Variants in MECOM observed in about 807,000 individuals in gnomAD.
MECOM encodes histone-lysine N-methyltransferase MECOM.
Under a neutral mutation model 116.3 loss-of-function variants are expected in MECOM, and 13 were observed. The ratio of observed to expected loss-of-function variants is 0.11; its 90% CI spans 0.07 to 0.18. The LOEUF (loss-of-function observed/expected upper bound fraction) is 0.18. MECOM is among the 10% of genes least tolerant of loss of function. The pLI is 1.00. For missense variants in MECOM, 1,299 were observed against 1,509.0 expected, an observed-to-expected ratio of 0.86 and a Z score of 2.31; for synonymous variants, 528 against 535.2, an observed-to-expected ratio of 0.99 and a Z score of 0.19.
chr3:169,442,943 A>G (rs1230472419), intron 1 of MECOM, among the ~76,000 whole-genome samples: 2 of 152,116 alleles, frequency 1.3e-5, no homozygotes, highest in Non-Finnish European at 2.9e-5. Context: ...CAACACTTCC[A>G]CAGAACCTAG....
intron 2 of MECOM, among the ~76,000 whole-genome samples, chr3:169,167,919 C>A (rs7426660): frequency 1.3e-5 from 2 of 149,208 alleles, no homozygotes; most frequent in African/African-American, 4.9e-5. Context: ...GTGTTAGTAT[C>A]CACCCAGTGA....
intron 2 of MECOM, among the ~76,000 whole-genome samples, chr3:169,228,803 T>C (rs575277394): frequency 6.6e-6 from 1 of 152,338 alleles, no homozygotes; most frequent in East Asian, 1.9e-4. Flanking sequence ...GGAGCTGTTC[T>C]GGAGTTAGAA....
intron 10 of MECOM, among the ~76,000 whole-genome samples, chr3:169,103,334 T>C (rs1207753253): frequency 6.6e-6 from 1 of 152,024 alleles, no homozygotes; most frequent in African/African-American, 2.4e-5. Flanking sequence ...TCTCAACATG[T>C]TGTGTTTCCT....
chr3:169,367,524 G>A (rs1213991564), intron 2 of MECOM, among the ~76,000 whole-genome samples: 1 of 151,942 alleles, frequency 6.6e-6, no homozygotes, highest in African/African-American at 2.4e-5. Flanking sequence ...AAGCAAGAAG[G>A]CATGTGTATT....
chr3:169,267,986 T>C (rs1380923022), intron 2 of MECOM, among the ~76,000 whole-genome samples: 2 of 152,256 alleles, frequency 1.3e-5, no homozygotes, highest in East Asian at 1.9e-4. Context: ...CCAAGTATAG[T>C]GCACATTGCA....
chr3:169,130,500 T>G (rs1734335865), intron 4 of MECOM, among the ~76,000 whole-genome samples: 1 of 112,746 alleles, frequency 8.9e-6, no homozygotes, highest in South Asian at 3.1e-4. Flanking sequence ...CAAATACAAC[T>G]ACTCTTGTAT....
chr3:169,583,336 A>G (rs1022684526), intron 1 of MECOM, among the ~76,000 whole-genome samples: 2 of 152,228 alleles, frequency 1.3e-5, no homozygotes, highest in African/African-American at 2.4e-5. Flanking sequence ...AAAATCCAGG[A>G]TAAAACATGC....
intron 2 of MECOM, among the ~76,000 whole-genome samples, chr3:169,332,836 A>T (rs1308202290): frequency 6.6e-6 from 1 of 152,166 alleles, no homozygotes; most frequent in African/African-American, 2.4e-5. Context: ...CAGATTCAGT[A>T]CTTAGTGGTA....
Position 169,602,053 on chromosome 3 carries a change from T to C in MECOM, c.37+61283A>G, listed in dbSNP as rs541410547. 2.6e-4 allele frequency among the ~76,000 whole-genome samples: 39 copies of C among 152,354 alleles called. No homozygotes were observed. The South Asian group carries it at 7.5e-3, about 29-fold the overall frequency. On this transcript the variant is annotated intron_variant, in intron 1 of 16. Transcript: ENST00000651503. ...CCACGTATGGGGAAAGAAGAATTAG[T>C]ATGCTAATGCATACTAGTGTCCTAA...
chr3:169,409,786 T>C (rs1737254777), intron 1 of MECOM, among the ~76,000 whole-genome samples: 1 of 152,196 alleles, frequency 6.6e-6, no homozygotes, highest in African/African-American at 2.4e-5. Flanking sequence ...CAATTTTTCT[T>C]TGGATTCATG....
At chr3:169,228,544 A>C (rs934266000) in intron 2 of MECOM, among the ~76,000 whole-genome samples, 1 of 152,224 alleles carries the variant, frequency 6.6e-6, no homozygotes, top group East Asian at 1.9e-4. Flanking sequence ...GTAGTGTATT[A>C]AAAATAAAAA....
At position 169,317,885 on chromosome 3, in the gene MECOM, TA is replaced by T. The variant is rs1048373914; in HGVS notation, c.375+63301del. Among the ~76,000 whole-genome samples the T allele has an allele frequency of 1.2e-3, 184 of 152,260 alleles. 1 individual carries two copies. The highest frequency in any genetic ancestry group is 4.2e-3 in the African/African-American group (175 of 41,554). On this transcript the variant is annotated intron_variant, in intron 2 of 16. Transcript: ENST00000651503. ...CTGGCTTCAAACTATACTACAAGGC[TA>T]CAGTAACCAAAACAGCATGGTACTG...
In MECOM at chr3:169,438,967, C is replaced by T. The variant is rs990813219; in HGVS notation, c.38-57443G>A. Among the ~76,000 whole-genome samples the T allele has an allele frequency of 4.3e-4, 65 of 151,804 alleles. 3 individuals carry two copies. Among genetic ancestry groups the T allele is most frequent in the Admixed American group, 4.3e-3 (65 of 15,230 alleles). On this transcript the variant is annotated intron_variant, in intron 1 of 16. Coordinates refer to ENST00000651503, the MANE Select transcript of MECOM (RefSeq NM_004991.4). Reference sequence around the variant, plus strand: ...CAAGCAAGACCTACAAATTACTACCCACAAAAGCAAAGACTGATAAAACAG... The same window carrying T: ...CAAGCAAGACCTACAAATTACTACCTACAAAAGCAAAGACTGATAAAACAG...
At chr3:169,184,094 G>C (rs1353255911) in intron 2 of MECOM, among the ~76,000 whole-genome samples, 1 of 151,968 alleles carries the variant, frequency 6.6e-6, no homozygotes, top group African/African-American at 2.4e-5. Context: ...TCAATCTCCT[G>C]ATCTCGTGAA....
chr3:169,385,260 T>G (rs1014538484), intron 1 of MECOM, among the ~76,000 whole-genome samples: 1 of 152,146 alleles, frequency 6.6e-6, no homozygotes, highest in Non-Finnish European at 1.5e-5. Flanking sequence ...AAAATACATG[T>G]GTGTGCCCAG....
At chr3:169,135,345 A>T (rs1250942308) in intron 3 of MECOM, among the ~76,000 whole-genome samples, 2 of 152,018 alleles carry the variant, frequency 1.3e-5, no homozygotes, top group African/African-American at 2.4e-5. Flanking sequence ...AAATAAAGAG[A>T]GGTTCAAAAA....
intron 1 of MECOM, among the ~76,000 whole-genome samples, chr3:169,657,814 A>G (rs1377778829): frequency 6.6e-6 from 1 of 152,238 alleles, no homozygotes; most frequent in Non-Finnish European, 1.5e-5. Flanking sequence ...CCCTATGTAG[A>G]GACATCTCTG....
chr3:169,660,583 A>G (rs889152725), intron 1 of MECOM, among the ~76,000 whole-genome samples: 3 of 152,118 alleles, frequency 2.0e-5, no homozygotes, highest in Non-Finnish European at 4.4e-5. Flanking sequence ...ACAACTATTT[A>G]TATGTAATTT....
chr3:169,614,648 G>A (rs968320944), intron 1 of MECOM, among the ~76,000 whole-genome samples: 2 of 151,912 alleles, frequency 1.3e-5, no homozygotes, highest in Admixed American at 6.6e-5. Flanking sequence ...AATTAAACAG[G>A]CCTAAGTGAT....
Sources: gnomAD v4.1 joint callset for allele counts (sites outside exome capture counted in the v4.1 genomes callset) on GRCh38, gnomAD v4.1.1 for gene constraint, MANE v1.5 for transcripts, NCBI Gene and HGNC (gene_info 2026-07-23, HGNC 2026-07-21) for gene names.